DTNA: variants seen among roughly 807,000 people sequenced by gnomAD.
DTNA encodes dystrophin-related protein 3.
A neutral mutation model predicts 100.7 loss-of-function variants in DTNA; 43 were observed. The observed-to-expected ratio is 0.43, with a 90% CI of 0.33 to 0.55. The LOEUF (loss-of-function observed/expected upper bound fraction) is 0.55. DTNA is among the 20% of genes least tolerant of loss of function. DTNA has a pLI of 0.04. For missense variants in DTNA, 798 were observed against 953.9 expected (o/e 0.84, Z 2.15); for synonymous variants, 349 against 347.9 (o/e 1.00, Z -0.04).
At chr18:34,529,846 CAA>C (rs1194302925) in intron 1 of DTNA, among the ~76,000 whole-genome samples, 3 of 152,080 alleles carry the variant, frequency 2.0e-5, no homozygotes, top group African/African-American at 7.2e-5. Flanking sequence ...CAGGGTAGAG[CAA>C]AGAGTATTTA....
At chr18:34,497,537 G>C (rs1378758944) in intron 1 of DTNA, among the ~76,000 whole-genome samples, 1 of 152,172 alleles carries the variant, frequency 6.6e-6, no homozygotes. Context: ...CATAGTTTGA[G>C]ATGGTGTTTA....
intron 1 of DTNA, among the ~76,000 whole-genome samples, chr18:34,659,921 A>G (rs1035390771): frequency 1.3e-5 from 2 of 152,236 alleles, no homozygotes; most frequent in Non-Finnish European, 2.9e-5. Flanking sequence ...CAACATCCAC[A>G]TTCTTTTGGT....
chr18:34,558,306 GA>G (rs1284941332), intron 1 of DTNA, among the ~76,000 whole-genome samples: 3 of 152,198 alleles, frequency 2.0e-5, no homozygotes, highest in Non-Finnish European at 4.4e-5. Context: ...ACCTCAGATG[GA>G]AATGCAGAAA....
chr18:34,521,765 G>A (rs1018025587), intron 1 of DTNA, among the ~76,000 whole-genome samples: 3 of 152,044 alleles, frequency 2.0e-5, no homozygotes, highest in Admixed American at 1.3e-4. Flanking sequence ...CCTCAGTGAC[G>A]ACTTCTCTAC....
chr18:34,545,771 A>G (rs2044715652), intron 1 of DTNA, among the ~76,000 whole-genome samples: 1 of 152,144 alleles, frequency 6.6e-6, no homozygotes, highest in Non-Finnish European at 1.5e-5. Context: ...GGCAATAGGT[A>G]GAATTTAATG....
At chr18:34,871,973 A>G (rs574962586) in intron 17 of DTNA, among the ~76,000 whole-genome samples, 1 of 152,392 alleles carries the variant, frequency 6.6e-6, no homozygotes, top group Non-Finnish European at 1.5e-5. Flanking sequence ...ATCAAACTGC[A>G]TGAAATTGCA....
chr18:34,600,237 T>G (rs1391001872), intron 1 of DTNA, among the ~76,000 whole-genome samples: 1 of 152,150 alleles, frequency 6.6e-6, no homozygotes, highest in Non-Finnish European at 1.5e-5. Context: ...TTTAATTAAA[T>G]CTTAATATAA....
At chr18:34,555,654 A>C (rs2045951193) in intron 1 of DTNA, among the ~76,000 whole-genome samples, 1 of 152,122 alleles carries the variant, frequency 6.6e-6, no homozygotes, top group South Asian at 2.1e-4. Context: ...GTTCAGGAGC[A>C]GGTTGTTCAG....
chr18:34,644,361 T>G (rs767672905), intron 1 of DTNA, among the ~76,000 whole-genome samples: 4 of 152,186 alleles, frequency 2.6e-5, no homozygotes, highest in African/African-American at 4.8e-5. Context: ...ATGTTTATGT[T>G]TATTAGTTGA....
intron 1 of DTNA, among the ~76,000 whole-genome samples, chr18:34,560,493 A>T (rs983433367): frequency 6.6e-6 from 1 of 152,230 alleles, no homozygotes; most frequent in African/African-American, 2.4e-5. Context: ...AAGCCTACAC[A>T]TAGTTTACTC....
chr18:34,589,356 T>G (rs191042325), intron 1 of DTNA, among the ~76,000 whole-genome samples: 1 of 152,060 alleles, frequency 6.6e-6, no homozygotes, highest in Non-Finnish European at 1.5e-5. Flanking sequence ...GAGTACCTAA[T>G]AATCCACTTC....
intron 1 of DTNA, among the ~76,000 whole-genome samples, chr18:34,628,230 C>T (rs1189147844): frequency 1.3e-5 from 2 of 152,228 alleles, no homozygotes; most frequent in Non-Finnish European, 2.9e-5. Flanking sequence ...TATGCATTCC[C>T]TCTCTGCTAA....
intron 1 of DTNA, among the ~76,000 whole-genome samples, chr18:34,648,306 G>GCAC (rs1286631207): frequency 6.6e-6 from 1 of 152,134 alleles, no homozygotes. Context: ...GAAGGAAAGG[G>GCAC]GGTGATGTGA....
At chr18:34,829,292 A>AG in intron 10 of DTNA, 108 bp from the exon 11 acceptor site, 2 of 1,520,736 alleles carry the variant, frequency 1.3e-6, no homozygotes, top group Non-Finnish European at 1.8e-6. Context: ...TTCTGTTTTG[A>AG]GGGTGCTGTT....
chr18:34,787,867 A>G (rs2094563014), intron 3 of DTNA, among the ~76,000 whole-genome samples: 1 of 152,192 alleles, frequency 6.6e-6, no homozygotes, highest in Non-Finnish European at 1.5e-5. Context: ...TTAATAATTA[A>G]TGCCTGAAAT....
intron 1 of DTNA, among the ~76,000 whole-genome samples, chr18:34,544,325 T>A (rs1265745234): frequency 6.6e-6 from 1 of 152,016 alleles, no homozygotes; most frequent in East Asian, 1.9e-4. Flanking sequence ...ATATGTTTTT[T>A]TAAAAAAAAT....
At chr18:34,746,379 T>G (rs2091581028) in intron 1 of DTNA, among the ~76,000 whole-genome samples, 1 of 152,124 alleles carries the variant, frequency 6.6e-6, no homozygotes, top group African/African-American at 2.4e-5. Flanking sequence ...CCCCAAGACT[T>G]AAGGACTTGG....
chr18:34,684,433 A>G (rs1049881278), intron 1 of DTNA, among the ~76,000 whole-genome samples: 25 of 152,088 alleles, frequency 1.6e-4, no homozygotes, highest in South Asian at 2.1e-4. Context: ...TTTCCTGAGA[A>G]TGATGGTTTC....
intron 3 of DTNA, among the ~76,000 whole-genome samples, chr18:34,767,368 A>G (rs2093539122): frequency 6.6e-6 from 1 of 152,174 alleles, no homozygotes; most frequent in African/African-American, 2.4e-5. Flanking sequence ...CTATTCCTCA[A>G]GTTTCTCCTC....
Sources: gnomAD v4.1 joint callset for allele counts (sites outside exome capture counted in the v4.1 genomes callset) on GRCh38, gnomAD v4.1.1 for gene constraint, MANE v1.5 for transcripts, NCBI Gene and HGNC (gene_info 2026-07-23, HGNC 2026-07-21) for gene names.